The following MTUS1 variants were observed in gnomAD, a reference collection of about 807,000 sequenced individuals.
The protein encoded by MTUS1 is microtubule-associated tumor suppressor 1.
A neutral mutation model predicts 120.8 loss-of-function variants in MTUS1; 109 were observed. The observed-to-expected ratio is 0.90, with a 90% confidence interval of 0.77 to 1.06. The LOEUF is 1.06. MTUS1 is among the 50% of genes least tolerant of loss of function. The pLI is 0.00. For synonymous variants in MTUS1, 737 were observed against 550.5 expected, an observed-to-expected ratio of 1.34 and a Z score of -4.74; for missense variants, 2,210 against 1,486.3, an observed-to-expected ratio of 1.49 and a Z score of -8.01.
intron 1 of MTUS1, among the ~76,000 whole-genome samples, chr8:17,766,786 T>C (rs2049540190): frequency 6.6e-6 from 1 of 152,218 alleles, no homozygotes; most frequent in Non-Finnish European, 1.5e-5. Flanking sequence ...AAATTTTATT[T>C]TCTTGTTTTG....
chr8:17,714,384 A>C (rs149322861), intron 5 of MTUS1, among the ~76,000 whole-genome samples: 1 of 152,318 alleles, frequency 6.6e-6, no homozygotes, highest in Non-Finnish European at 1.5e-5. Context: ...ACCTCTGAGA[A>C]AGTTACTAAT....
At chr8:17,693,917 T>A (rs567082488) in intron 6 of MTUS1, among the ~76,000 whole-genome samples, 1 of 152,282 alleles carries the variant, frequency 6.6e-6, no homozygotes, top group South Asian at 2.1e-4. Context: ...ATCTGTAATG[T>A]GAAAGACAGT....
rs764470652 is a variant in MTUS1 at position 17,754,026 on chromosome 8, A to G, written c.1782T>C (p.Ser594=). The G allele has an allele frequency of 6.2e-7, 1 of 1,614,196 alleles. No individual in the cohort carries two copies. The highest frequency in any genetic ancestry group is 1.1e-5 in the South Asian group (1 of 91,080). Residue 594 remains serine, a synonymous_variant, in exon 2 of 15, where the codon TCT becomes TCC. Coordinates refer to ENST00000693296, the MANE Select transcript of MTUS1 (RefSeq NM_001363059.2). ...TTGGAACCCTGTGTGAAGCATTTTT[A>G]GAATGAGTTGTAACATGCACAGCCT... ...TSQAVHVTTH[S]KNASHRVPRT...
intron 1 of MTUS1, among the ~76,000 whole-genome samples, chr8:17,791,063 G>T (rs1156974214): frequency 6.6e-6 from 1 of 152,138 alleles, no homozygotes; most frequent in African/African-American, 2.4e-5. Flanking sequence ...ACTTCCACTC[G>T]CATTAAAACT....
intron 4 of MTUS1, among the ~76,000 whole-genome samples, chr8:17,716,811 C>A (rs1822436956): frequency 6.6e-6 from 1 of 152,212 alleles, no homozygotes; most frequent in Non-Finnish European, 1.5e-5. Context: ...GCCTCAGCCT[C>A]CCAAAGTGCT....
chr8:17,784,258 A>G (rs989244771), intron 1 of MTUS1, among the ~76,000 whole-genome samples: 2 of 150,170 alleles, frequency 1.3e-5, no homozygotes, highest in Non-Finnish European at 3.0e-5. Flanking sequence ...AAGATGTTTT[A>G]GTTGGCAATC....
At chr8:17,741,935 C>A (rs994645377) in intron 3 of MTUS1, among the ~76,000 whole-genome samples, 21 of 152,218 alleles carry the variant, frequency 1.4e-4, no homozygotes, top group African/African-American at 4.8e-4. Flanking sequence ...CGTATTGGGG[C>A]CAGAGTGGAA....
At chr8:17,774,691 A>C (rs1404212222) in intron 1 of MTUS1, among the ~76,000 whole-genome samples, 1 of 152,202 alleles carries the variant, frequency 6.6e-6, no homozygotes, top group East Asian at 1.9e-4. Context: ...GGTTCCTCCA[A>C]GAGATAAACA....
At chr8:17,678,875 T>C (rs746415559) in intron 7 of MTUS1, among the ~76,000 whole-genome samples, 11 of 152,140 alleles carry the variant, frequency 7.2e-5, no homozygotes, top group Non-Finnish European at 1.6e-4. Context: ...GCTTAATTAC[T>C]ACCATCAATA....
chr8:17,680,417 T>C (rs1361150952), intron 7 of MTUS1, among the ~76,000 whole-genome samples: 4 of 128,796 alleles, frequency 3.1e-5, no homozygotes, highest in Middle Eastern at 0.01. Context: ...TGAGCTGAGA[T>C]TGCGCCACTG....
intron 8 of MTUS1, among the ~76,000 whole-genome samples, chr8:17,661,987 GCA>G (rs1021949393): frequency 4.6e-4 from 70 of 152,282 alleles, no homozygotes; most frequent in African/African-American, 1.6e-3. Flanking sequence ...TTTAAAGGAT[GCA>G]CATGTAAACG....
chr8:17,700,829 A>C (rs544129938), intron 6 of MTUS1, among the ~76,000 whole-genome samples: 1 of 152,350 alleles, frequency 6.6e-6, no homozygotes, highest in Non-Finnish European at 1.5e-5. Flanking sequence ...AGTCTATACT[A>C]AGGCTTAAAT....
chr8:17,742,424 G>A (rs1436390048), intron 3 of MTUS1, among the ~76,000 whole-genome samples: 2 of 151,334 alleles, frequency 1.3e-5, no homozygotes, highest in Non-Finnish European at 2.9e-5. Flanking sequence ...CAGGACTAGA[G>A]CTTTCATCTC....
chr8:17,794,453 T>C (rs2052055838), intron 1 of MTUS1, among the ~76,000 whole-genome samples: 1 of 152,204 alleles, frequency 6.6e-6, no homozygotes, highest in Admixed American at 6.5e-5. Flanking sequence ...TATAAATGAC[T>C]TGGTTCTGTA....
At chr8:17,722,215 CAG>C in intron 4 of MTUS1, 1 of 1,013,846 alleles carries the variant, frequency 9.9e-7, no homozygotes, top group Non-Finnish European at 1.2e-6. Context: ...GCATCAGACA[CAG>C]TACTGAAACG....
chr8:17,671,713 A>C (rs981601875), intron 8 of MTUS1, among the ~76,000 whole-genome samples: 2 of 152,168 alleles, frequency 1.3e-5, no homozygotes, highest in Admixed American at 1.3e-4. Flanking sequence ...TTTTCTTTGC[A>C]GTTCTTAGTA....
chr8:17,778,638 T>A (rs1359553839), intron 1 of MTUS1, among the ~76,000 whole-genome samples: 2 of 151,964 alleles, frequency 1.3e-5, no homozygotes, highest in East Asian at 1.9e-4. Context: ...TGAAACCCTG[T>A]CTCTACCAAA....
chr8:17,750,770 T>A (rs1407577701), intron 2 of MTUS1, among the ~76,000 whole-genome samples: 2 of 152,330 alleles, frequency 1.3e-5, no homozygotes, highest in South Asian at 4.1e-4. Context: ...ACTGAATAAA[T>A]ATCAATTCCT....
At chr8:17,646,227 C>A in intron 14 of MTUS1, 88 bp from the exon 15 acceptor site, 2 of 1,330,646 alleles carry the variant, frequency 1.5e-6, no homozygotes, top group Non-Finnish European at 2.0e-6. Flanking sequence ...ACTTTAAAGT[C>A]CAAAATTATT....
Sources: gnomAD v4.1 joint callset for allele counts (sites outside exome capture counted in the v4.1 genomes callset) on GRCh38, gnomAD v4.1.1 for gene constraint, MANE v1.5 for transcripts, NCBI Gene and HGNC (gene_info 2026-07-23, HGNC 2026-07-21) for gene names.